ADA2: variants seen among roughly 807,000 people sequenced by gnomAD.
ADA2 encodes adenosine deaminase CECR1.
A neutral mutation model predicts 44.2 loss-of-function variants in ADA2; 29 were observed. The ratio of observed to expected loss-of-function variants is 0.66; its 90% CI spans 0.49 to 0.89. The LOEUF (loss-of-function observed/expected upper bound fraction) is 0.89. ADA2 is among the 40% of genes least tolerant of loss of function. The pLI, the probability that ADA2 is intolerant of heterozygous loss-of-function variation, is 0.00. For missense variants in ADA2, 637 were observed against 644.8 expected, an observed-to-expected ratio of 0.99 and a Z score of 0.13; for synonymous variants, 215 against 234.9, an observed-to-expected ratio of 0.92 and a Z score of 0.77.
intron 7 of ADA2, among the ~76,000 whole-genome samples, chr22:17,187,716 T>C (rs1487356902): frequency 6.7e-6 from 1 of 150,368 alleles, no homozygotes; most frequent in Non-Finnish European, 1.5e-5. Context: ...CAGACTCCAC[T>C]GCGCACCAGC....
intron 1 of ADA2, among the ~76,000 whole-genome samples, chr22:17,218,947 A>C (rs1483591597): frequency 3.9e-5 from 6 of 152,186 alleles, no homozygotes; most frequent in African/African-American, 1.2e-4. Flanking sequence ...ACCTGACGTC[A>C]GTCGTTCAAG....
chr22:17,198,098 G>T (rs1274316064), intron 4 of ADA2, among the ~76,000 whole-genome samples: 1 of 151,984 alleles, frequency 6.6e-6, no homozygotes, highest in African/African-American at 2.4e-5. Context: ...TAGTGGGGCT[G>T]GAGGCCGACC....
At chr22:17,206,299 A>C (rs921361659) in intron 3 of ADA2, among the ~76,000 whole-genome samples, 13 of 152,152 alleles carry the variant, frequency 8.5e-5, no homozygotes, top group Non-Finnish European at 1.8e-4. Context: ...TCTACTAAAA[A>C]TACAAAAATT....
In ADA2 at chr22:17,207,226, G is replaced by C; in HGVS notation, c.387C>G (p.Thr129=). 6.2e-7 allele frequency: 1 copy of C among 1,613,924 alleles called. No individual in the cohort carries two copies. Among genetic ancestry groups the C allele is most frequent in the African/African-American group, 1.3e-5 (1 of 75,064 alleles). ...VTMDWLVRNV[T]YRPHCHICFT... is the part of the protein sequence containing the mutation. ...AACAGATGTGGCAGTGAGGCCTGTA[G>C]GTGACATTCCTCACCAGCCAGTCCA... Residue 129 remains threonine (T), a synonymous_variant, in exon 3 of 10, where the codon ACC becomes ACG. Transcript: ENST00000399837.
At chr22:17,205,672 C>T (rs1177976719) in intron 3 of ADA2, among the ~76,000 whole-genome samples, 1 of 152,200 alleles carries the variant, frequency 6.6e-6, no homozygotes, top group African/African-American at 2.4e-5. Context: ...TTAATTGTCA[C>T]TTATAATATT....
intron 6 of ADA2, among the ~76,000 whole-genome samples, chr22:17,189,023 T>G (rs2062080461): frequency 7.2e-6 from 1 of 139,756 alleles, no homozygotes; most frequent in Non-Finnish European, 1.6e-5. Context: ...TAGATTCTTT[T>G]TTTTTTTTTT....
At chr22:17,214,038 TCAA>T in intron 1 of ADA2, 1 of 269,720 alleles carries the variant, frequency 3.7e-6, no homozygotes, top group African/African-American at 5.9e-5. Flanking sequence ...AAACTCTGTC[TCAA>T]AAAAAAAAAA....
intron 1 of ADA2, among the ~76,000 whole-genome samples, chr22:17,217,015 T>C (rs913742070): frequency 6.6e-6 from 1 of 151,866 alleles, no homozygotes. Context: ...TAAAACATTG[T>C]GTGTGTAAAA....
chr22:17,217,557 T>G (rs1251878807), intron 1 of ADA2, among the ~76,000 whole-genome samples: 1 of 152,192 alleles, frequency 6.6e-6, no homozygotes, highest in Non-Finnish European at 1.5e-5. Context: ...CAGTGGCTCA[T>G]GCCTATAATC....
At chr22:17,187,546 C>G (rs961888571) in intron 7 of ADA2, among the ~76,000 whole-genome samples, 1 of 151,982 alleles carries the variant, frequency 6.6e-6, no homozygotes, top group Non-Finnish European at 1.5e-5. Context: ...CCACATCAGC[C>G]TCCAAAGTGC....
chr22:17,201,166 A>G (rs1005020465), intron 4 of ADA2, among the ~76,000 whole-genome samples: 18 of 151,316 alleles, frequency 1.2e-4, no homozygotes, highest in Admixed American at 7.3e-4. Context: ...GCAAGATCAT[A>G]CCACTACACT....
intron 4 of ADA2, among the ~76,000 whole-genome samples, chr22:17,197,206 C>A (rs1262229337): frequency 2.0e-5 from 3 of 152,060 alleles, no homozygotes; most frequent in Non-Finnish European, 4.4e-5. Context: ...GGTCATACAA[C>A]TGGTTTGTAT....
chr22:17,202,034 G>T (rs1222711361), intron 4 of ADA2, among the ~76,000 whole-genome samples: 4 of 139,362 alleles, frequency 2.9e-5, no homozygotes, highest in African/African-American at 1.1e-4. Flanking sequence ...AGCAATGGCG[G>T]TATCTCTGCT....
intron 4 of ADA2, among the ~76,000 whole-genome samples, chr22:17,193,481 A>G (rs2062150099): frequency 1.3e-5 from 2 of 150,728 alleles, no homozygotes; most frequent in South Asian, 4.2e-4. Flanking sequence ...CCTGGCCAAT[A>G]TGGTGAAACC....
At chr22:17,184,656 G>A (rs1464868454) in intron 7 of ADA2, among the ~76,000 whole-genome samples, 5 of 151,872 alleles carry the variant, frequency 3.3e-5, no homozygotes, top group South Asian at 4.2e-4. Flanking sequence ...GGCTGGGTGC[G>A]GTGGCTCACA....
chr22:17,215,408 C>A (rs547807323), intron 1 of ADA2, among the ~76,000 whole-genome samples: 5 of 152,158 alleles, frequency 3.3e-5, no homozygotes, highest in Non-Finnish European at 7.4e-5. Flanking sequence ...GGGTTTGAGA[C>A]CAGCCTGACC....
chr22:17,199,431 T>TCTTCCCCTCCCTCCCCTCCA, intron 4 of ADA2: 1 of 930,072 alleles, frequency 1.1e-6, no homozygotes, highest in Non-Finnish European at 1.7e-6. Flanking sequence ...CCTCCCCTCC[T>TCTTCCCCTCCCTCCCCTCCA]CTATCCTCTT....
intron 4 of ADA2, among the ~76,000 whole-genome samples, chr22:17,197,661 G>C (rs76388664): frequency 0.1 from 15,735 of 152,124 alleles, 1,137 homozygotes; most frequent in East Asian, 0.32. Flanking sequence ...ATATGCAGGG[G>C]GCTTTATGCC....
At position 17,203,008 on chromosome 22, in the gene ADA2, T is replaced by C. The variant is rs1276304470; in HGVS notation, c.753+555A>G. On this transcript the variant is annotated intron_variant, in intron 4 of 9. Transcript: ENST00000399837. ...CCAGGCTGGTCTCAAACTCTTGACC[T>C]TGTGATCTGCCTGCCTCGGCCTCCC... Among the ~76,000 whole-genome samples, 7 of 151,912 alleles carry C rather than the reference T, an allele frequency of 4.6e-5. No homozygotes were observed. The East Asian group carries it at 1.4e-3, about 30-fold the overall frequency.
Sources: allele counts gnomAD v4.1 joint callset (sites outside exome capture counted in the v4.1 genomes callset), GRCh38; gene constraint gnomAD v4.1.1; transcripts MANE v1.5; gene names NCBI Gene and HGNC (gene_info 2026-07-23, HGNC 2026-07-21).